Variants in MIPOL1 observed in about 807,000 individuals in gnomAD.
MIPOL1 encodes the protein mirror-image polydactyly 1, also known as mirror-image polydactyly gene 1 protein.
A neutral mutation model predicts 60.9 loss-of-function variants in MIPOL1; 57 were observed. The observed-to-expected ratio is 0.94, with a 90% CI of 0.76 to 1.17. MIPOL1 has a LOEUF of 1.17. Among genes scored for constraint, MIPOL1 ranks in the 50% most tolerant of loss-of-function variants. The pLI is 0.00. For synonymous variants in MIPOL1, 179 were observed against 168.8 expected, an observed-to-expected ratio of 1.06 and a Z score of -0.47; for missense variants, 551 against 511.6, an observed-to-expected ratio of 1.08 and a Z score of -0.74.
Position 37,237,169 on chromosome 14 carries a change from G to A in MIPOL1, c.-198-9934G>A, listed in dbSNP as rs1224872462. 2.6e-5 allele frequency among the ~76,000 whole-genome samples: 4 copies of A among 152,108 alleles called. No individual in the cohort carries two copies. The East Asian group carries it at 7.7e-4, about 29-fold the overall frequency. On this transcript the variant is annotated intron_variant, in intron 1 of 12. Transcript: ENST00000684589. ...TGTCACTTTGCAGCCTGTACAAGCAGTACCTGCCACTTTTCCTACCTGAGT... is the reference window on the plus strand; with the variant it reads ...TGTCACTTTGCAGCCTGTACAAGCAATACCTGCCACTTTTCCTACCTGAGT...
intron 1 of MIPOL1, among the ~76,000 whole-genome samples, chr14:37,223,219 C>T (rs1969118315): frequency 6.6e-6 from 1 of 151,628 alleles, no homozygotes; most frequent in Non-Finnish European, 1.5e-5. Flanking sequence ...TTTTTGTAGA[C>T]CTGGGGTTTT....
At position 37,247,991 on chromosome 14, in the gene MIPOL1, A is replaced by G. The variant is rs544237585; in HGVS notation, c.19+84A>G. ...GAGTGAAGTGTGTTTGTTCTAACCAATATATTAGACAGAGGTAGACAAGTG... is the reference window on the plus strand; with the variant it reads ...GAGTGAAGTGTGTTTGTTCTAACCAGTATATTAGACAGAGGTAGACAAGTG... On this transcript the variant is annotated intron_variant, in intron 3 of 12. Coordinates refer to ENST00000684589, the MANE Select transcript of MIPOL1 (RefSeq NM_001388067.1). The G allele has an allele frequency of 2.4e-5, 34 of 1,424,906 alleles. No homozygotes were observed. In the South Asian group the frequency reaches 3.6e-4, roughly 15 times the overall value. The allele number at this position is 1,424,906 out of a possible 1,614,324, so 88.3% of individuals were successfully genotyped here. A position where few individuals can be genotyped will look rare whatever the true frequency, so the allele number is the denominator to read the frequency against.
At chr14:37,474,021 A>G (rs1470200951) in intron 11 of MIPOL1, among the ~76,000 whole-genome samples, 3 of 152,184 alleles carry the variant, frequency 2.0e-5, no homozygotes, top group Non-Finnish European at 4.4e-5. Flanking sequence ...ATCACACAGT[A>G]TGTAGCCTTT....
rs1468188485 is a variant in MIPOL1 at position 37,371,623 on chromosome 14, G to T, written c.936+1999G>T. Among the ~76,000 whole-genome samples, 4 of 152,006 alleles carry T rather than the reference G, an allele frequency of 2.6e-5. No individual in the cohort carries two copies. In the East Asian group the frequency reaches 5.8e-4, roughly 22 times the overall value. ...TCAACTCAATCTTTTTTAAGCATCT[G>T]TGTTCATTTAAGCTTGTTTTAAAAT... On this transcript the variant is annotated intron_variant, in intron 10 of 12. Transcript: ENST00000684589.
chr14:37,298,216 A>G (rs2085963582), intron 7 of MIPOL1, among the ~76,000 whole-genome samples: 2 of 152,370 alleles, frequency 1.3e-5, no homozygotes, highest in Non-Finnish European at 2.9e-5. Flanking sequence ...TTCCCTATTT[A>G]ATAAATGGTG....
Position 37,343,280 on chromosome 14 carries a change from C to A in MIPOL1, c.829-26237C>A, listed in dbSNP as rs1024836026. 4.6e-5 allele frequency among the ~76,000 whole-genome samples: 7 copies of A among 151,954 alleles called. 2 individuals are homozygous for A. The highest frequency in any genetic ancestry group is 1.7e-4 in the African/African-American group (7 of 41,452). On this transcript the variant is annotated intron_variant, in intron 9 of 12. Transcript: ENST00000684589. ...TGCCAGAGTTTGAAGAAACAAGTTACGTTTTCAAGTTTAAAAAAACTCTTT... is the reference window on the plus strand; with the variant it reads ...TGCCAGAGTTTGAAGAAACAAGTTAAGTTTTCAAGTTTAAAAAAACTCTTT...
At chr14:37,356,702 C>T (rs572677577) in intron 9 of MIPOL1, among the ~76,000 whole-genome samples, 9 of 152,304 alleles carry the variant, frequency 5.9e-5, no homozygotes, top group East Asian at 3.9e-4. Context: ...TTCTTTGACT[C>T]GGAAAGGGAA....
intron 5 of MIPOL1, among the ~76,000 whole-genome samples, chr14:37,269,836 A>T (rs951670772): frequency 4.0e-4 from 61 of 151,780 alleles, no homozygotes; most frequent in Non-Finnish European, 5.9e-4. Context: ...TATTATTATT[A>T]TTTTTTTTGA....
intron 9 of MIPOL1, among the ~76,000 whole-genome samples, chr14:37,366,658 A>T (rs2092480295): frequency 6.6e-6 from 1 of 152,068 alleles, no homozygotes; most frequent in African/African-American, 2.4e-5. Context: ...ACTGTCTAGT[A>T]GATCCATTTA....
At chr14:37,404,617 C>G (rs1272556508) in intron 10 of MIPOL1, among the ~76,000 whole-genome samples, 10 of 152,154 alleles carry the variant, frequency 6.6e-5, no homozygotes, top group African/African-American at 4.8e-5. Flanking sequence ...TAATGCCACT[C>G]TAATATATCA....
intron 9 of MIPOL1, among the ~76,000 whole-genome samples, chr14:37,346,617 A>G (rs1449031695): frequency 6.6e-6 from 1 of 152,188 alleles, no homozygotes; most frequent in Non-Finnish European, 1.5e-5. Flanking sequence ...GACCATGAGG[A>G]TTAAAAATTG....
chr14:37,207,164 G>T (rs866064149), intron 1 of MIPOL1, among the ~76,000 whole-genome samples: 2 of 152,116 alleles, frequency 1.3e-5, no homozygotes, highest in African/African-American at 4.8e-5. Context: ...TCCCTCATGT[G>T]GTGGAAGGGA....
At chr14:37,507,354 C>T (rs1450483673) in intron 12 of MIPOL1, 2 of 152,150 alleles carry the variant, frequency 1.3e-5, no homozygotes, top group African/African-American at 4.8e-5. Context: ...TGGAACCACC[C>T]AAGTGCCCAT....
chr14:37,399,800 A>T (rs1658649675), intron 10 of MIPOL1: 1 of 152,212 alleles, frequency 6.6e-6, no homozygotes, highest in South Asian at 2.1e-4. Context: ...TGCCATGTCC[A>T]TTAGACACTA....
intron 12 of MIPOL1, among the ~76,000 whole-genome samples, chr14:37,539,260 T>G (rs1218784078): frequency 2.0e-5 from 3 of 152,120 alleles, no homozygotes; most frequent in African/African-American, 7.2e-5. Flanking sequence ...TTGACATGAT[T>G]AAATAAAATA....
intron 3 of MIPOL1, among the ~76,000 whole-genome samples, chr14:37,260,382 C>A (rs938091640): frequency 1.3e-5 from 2 of 152,020 alleles, no homozygotes; most frequent in Non-Finnish European, 2.9e-5. Context: ...AGCTTACAGT[C>A]TAGAAAGGGA....
intron 11 of MIPOL1, among the ~76,000 whole-genome samples, chr14:37,489,237 G>A (rs1007877556): frequency 3.9e-5 from 6 of 151,942 alleles, no homozygotes; most frequent in African/African-American, 9.6e-5. Flanking sequence ...CCTTTCTTCC[G>A]CTTGATCAAC....
At chr14:37,337,918 C>T (rs2090298037) in intron 9 of MIPOL1, among the ~76,000 whole-genome samples, 1 of 151,820 alleles carries the variant, frequency 6.6e-6, no homozygotes, top group Admixed American at 6.6e-5. Flanking sequence ...TTCAGTCACT[C>T]AAAAGATAAG....
chr14:37,380,349 C>T (rs1429542739), intron 10 of MIPOL1, among the ~76,000 whole-genome samples: 1 of 152,044 alleles, frequency 6.6e-6, no homozygotes, highest in Admixed American at 6.6e-5. Flanking sequence ...TCAGCTAGAC[C>T]AGGTTTACAG....
Sources: allele counts gnomAD v4.1 joint callset (sites outside exome capture counted in the v4.1 genomes callset), GRCh38; gene constraint gnomAD v4.1.1; transcripts MANE v1.5; gene names NCBI Gene and HGNC (gene_info 2026-07-23, HGNC 2026-07-21).